ADD2: variants seen among roughly 807,000 people sequenced by gnomAD.
The protein encoded by ADD2 is beta-adducin.
ADD2 carries 23 observed loss-of-function variants against 83.0 expected under a neutral mutation model. The ratio of observed to expected loss-of-function variants is 0.28; its 90% CI spans 0.20 to 0.39. ADD2 has a LOEUF of 0.39. ADD2 is among the 10% of genes least tolerant of loss of function. The pLI is 1.00. For synonymous variants in ADD2, 375 were observed against 375.4 expected (o/e 1.00, Z 0.01); for missense variants, 758 against 944.9 (o/e 0.80, Z 2.59).
At chr2:70,701,874 AAAG>A (rs1252791841) in intron 4 of ADD2, among the ~76,000 whole-genome samples, 9 of 152,344 alleles carry the variant, frequency 5.9e-5, no homozygotes, top group African/African-American at 1.4e-4. Flanking sequence ...GATGGATATG[AAAG>A]AAGACTTAAA....
rs369107585 is a variant in ADD2 at position 70,704,354 on chromosome 2, T to G, written c.289A>C (p.Thr97Pro). ...GATGTCGGGAAGACTGCGTGGGAGG[T>G]GCTGGCCATGAAGTCCGCGATCTGT... ...LRQIADFMAS[T>P]SHAVFPTSSM... Residue 97 changes from threonine (T) to proline (P), a missense_variant, in exon 4 of 16, where the codon ACC becomes CCC. This residue lies in a region of ADD2 where 175 missense variants were observed against 192.1 expected (regional missense o/e 0.91). Transcript: ENST00000264436. 6 of 1,444,280 alleles carry G rather than the reference T, an allele frequency of 4.2e-6. No individual in the cohort carries two copies. The African/African-American group carries it at 9.5e-5, about 23-fold the overall frequency. 89.5% of individuals were successfully genotyped at this position (1,444,280 alleles called of 1,614,324 possible).
At chr2:70,673,217 T>C in intron 14 of ADD2, 2 of 1,612,996 alleles carry the variant, frequency 1.2e-6, no homozygotes, top group Non-Finnish European at 1.7e-6. Flanking sequence ...TGGAGTCATG[T>C]TTCCTTCATC....
intron 1 of ADD2, among the ~76,000 whole-genome samples, chr2:70,725,758 G>A (rs949287111): frequency 3.9e-5 from 6 of 152,178 alleles, no homozygotes; most frequent in African/African-American, 1.4e-4. Context: ...CTCCAAAACT[G>A]TCATGGTGCT....
Position 70,706,418 on chromosome 2 carries a change from G to A in ADD2, c.-10C>T, listed in dbSNP as rs188664399. ...CCGTCTCTTCGCTCATTTTCCCGGT[G>A]GGTTTGCAATTCGCTCCTGGAACTC... On this transcript the variant is annotated 5_prime_UTR_variant, in exon 3 of 16. Coordinates refer to ENST00000264436, the MANE Select transcript of ADD2 (RefSeq NM_001617.4). This position sits in a 1 kb window ranked among gnomAD's most constrained non-coding sequence, Gnocchi z 5.0. 6.3e-7 allele frequency: 1 copy of A among 1,599,642 alleles called. No homozygotes were observed. Among genetic ancestry groups the A allele is most frequent in the Non-Finnish European group, 8.5e-7 (1 of 1,173,994 alleles).
intron 1 of ADD2, among the ~76,000 whole-genome samples, chr2:70,728,638 C>A (rs772958788): frequency 2.0e-5 from 3 of 152,198 alleles, no homozygotes; most frequent in Non-Finnish European, 4.4e-5. Context: ...TGCCCTTTTG[C>A]GAGTTATTTT....
rs536839075 is a variant in ADD2 at position 70,682,238 on chromosome 2, T to C, written c.1125+1353A>G. 2.0e-5 allele frequency among the ~76,000 whole-genome samples: 3 copies of C among 152,368 alleles called. No homozygotes were observed. The East Asian group carries it at 5.8e-4, about 29-fold the overall frequency. On this transcript the variant is annotated intron_variant, in intron 10 of 15. Transcript: ENST00000264436. ...TGGTCTAAATATATTACAATTATTA[T>C]GGCTTAGTATTCTTTTTTCACTCCT...
intron 7 of ADD2, among the ~76,000 whole-genome samples, chr2:70,692,030 G>T (rs1671066941): frequency 6.6e-6 from 1 of 152,218 alleles, no homozygotes; most frequent in Non-Finnish European, 1.5e-5. Flanking sequence ...TGAGCTATGG[G>T]AAAACGGGCA....
Position 70,706,524 on chromosome 2 carries a change from C to A in ADD2, c.-34-82G>T. The stretch of plus-strand genomic sequence containing the variant: ...GTTTCTCAGAGCACAGGGCTAGGTT[C>A]AGTTGGATTCTCAGTGGGGTACGGC... On this transcript the variant is annotated intron_variant, in intron 2 of 15. Transcript: ENST00000264436. This position sits in a 1 kb window ranked among gnomAD's most constrained non-coding sequence, Gnocchi z 5.0. The A allele has an allele frequency of 7.7e-7, 1 of 1,294,742 alleles. No individual in the cohort carries two copies. 80.2% of individuals were successfully genotyped at this position (1,294,742 alleles called of 1,614,324 possible). A position where few individuals can be genotyped will look rare whatever the true frequency, so the allele number is the denominator to read the frequency against.
intron 1 of ADD2, among the ~76,000 whole-genome samples, chr2:70,727,656 A>C (rs1260477018): frequency 6.6e-6 from 1 of 152,038 alleles, no homozygotes; most frequent in African/African-American, 2.4e-5. Context: ...GCACTTTAGG[A>C]GGCTGAGGTG....
At chr2:70,742,797 C>A (rs1457247397) in intron 1 of ADD2, among the ~76,000 whole-genome samples, 2 of 152,182 alleles carry the variant, frequency 1.3e-5, no homozygotes, top group Non-Finnish European at 2.9e-5. Context: ...TGCCATAGAA[C>A]ACCATTTGAA....
At chr2:70,718,390 G>A (rs1672575363) in intron 1 of ADD2, among the ~76,000 whole-genome samples, 2 of 152,254 alleles carry the variant, frequency 1.3e-5, no homozygotes, top group South Asian at 4.2e-4. Context: ...AGTCATGTTC[G>A]TATTCCTGAA....
chr2:70,762,692 C>CA (rs1438662847), intron 1 of ADD2, among the ~76,000 whole-genome samples: 24 of 149,022 alleles, frequency 1.6e-4, no homozygotes, highest in Non-Finnish European at 3.1e-4. Flanking sequence ...GGAAAGCGGT[C>CA]AAAAATTTCA....
intron 15 of ADD2, among the ~76,000 whole-genome samples, chr2:70,671,543 A>G (rs1669894737): frequency 6.6e-6 from 1 of 152,224 alleles, no homozygotes; most frequent in Admixed American, 6.5e-5. Context: ...GCAGTGAGTT[A>G]GTAAACAGCC....
In ADD2 at chr2:70,660,815, C is replaced by A. The variant is rs1675515371; in HGVS notation, c.*2610G>T. On this transcript the variant is annotated 3_prime_UTR_variant, in exon 16 of 16. Transcript: ENST00000264436. ...ACTCTTTGTTTTAAAACCTTAGCAG[C>A]CATTGCTTCTCTCAGGGTTTCTCTG... 1 of 152,220 alleles carries A rather than the reference C, an allele frequency of 6.6e-6. No homozygotes were observed. The highest frequency in any genetic ancestry group is 1.5e-5 in the Non-Finnish European group (1 of 68,040). The allele number at this position is 152,220 out of a possible 1,614,324, so 9.4% of individuals were successfully genotyped here.
chr2:70,675,411 C>G, intron 13 of ADD2: 2 of 985,608 alleles, frequency 2.0e-6, no homozygotes, highest in Non-Finnish European at 2.4e-6. Context: ...TTCAACCTGC[C>G]TGTACCGCAG....
At chr2:70,692,832 C>A (rs1442510146) in intron 6 of ADD2, among the ~76,000 whole-genome samples, 2 of 152,190 alleles carry the variant, frequency 1.3e-5, no homozygotes, top group Non-Finnish European at 2.9e-5. Context: ...CAGTCAAATG[C>A]AGGTTCTGAT....
rs545813234 is a variant in ADD2 at position 70,664,750 on chromosome 2, G to T, written c.1871-1015C>A. Among the ~76,000 whole-genome samples, 10 of 124,254 alleles carry T rather than the reference G, an allele frequency of 8.0e-5. No individual in the cohort carries two copies. The East Asian group carries it at 9.8e-4, about 12-fold the overall frequency. The allele number at this position is 124,254 out of a possible 152,430, so 81.5% of individuals were successfully genotyped here. A position where few individuals can be genotyped will look rare whatever the true frequency, so the allele number is the denominator to read the frequency against. Reference sequence around the variant, plus strand: ...GTGTGAGTGTGCAAGTGTGTGTGTGGGTGTGTGAGGGTGTGCAAGTGTGAG... The same window carrying T: ...GTGTGAGTGTGCAAGTGTGTGTGTGTGTGTGTGAGGGTGTGCAAGTGTGAG... On this transcript the variant is annotated intron_variant, in intron 15 of 15. Coordinates refer to ENST00000264436, the MANE Select transcript of ADD2 (RefSeq NM_001617.4).
intron 1 of ADD2, among the ~76,000 whole-genome samples, chr2:70,733,029 G>A (rs1188800317): frequency 1.3e-5 from 2 of 152,204 alleles, no homozygotes; most frequent in Non-Finnish European, 2.9e-5. Flanking sequence ...CTTGGCTCAT[G>A]AGTCTCTCTC....
chr2:70,667,738 C>G (rs1669704792), intron 15 of ADD2, among the ~76,000 whole-genome samples: 1 of 152,102 alleles, frequency 6.6e-6, no homozygotes. Context: ...CCTGCCTCAG[C>G]CTCCCGAGTA....
Sources: allele counts gnomAD v4.1 joint callset (sites outside exome capture counted in the v4.1 genomes callset), GRCh38; gene constraint gnomAD v4.1.1; regional missense constraint gnomAD v4.1.1; non-coding constraint Gnocchi (gnomAD v3.1); transcripts MANE v1.5; gene names NCBI Gene and HGNC (gene_info 2026-07-23, HGNC 2026-07-21).